Variants in SLC49A4 observed in about 807,000 individuals in gnomAD.
The protein encoded by SLC49A4 is solute carrier family 49 member 4.
SLC49A4 carries 36 observed loss-of-function variants against 50.6 expected under a neutral mutation model. The ratio of observed to expected loss-of-function variants is 0.71; its 90% CI spans 0.55 to 0.94. SLC49A4 has a LOEUF of 0.94. SLC49A4 is among the 40% of genes least tolerant of loss of function. The pLI is 0.00. For synonymous variants in SLC49A4, 248 were observed against 241.2 expected (o/e 1.03, Z -0.26); for missense variants, 503 against 605.7 (o/e 0.83, Z 1.78).
At chr3:122,831,974 A>C (rs891062071) in intron 3 of SLC49A4, among the ~76,000 whole-genome samples, 1 of 151,974 alleles carries the variant, frequency 6.6e-6, no homozygotes, top group Non-Finnish European at 1.5e-5. Flanking sequence ...ACCAAAAAAA[A>C]AAAGAAAGAA....
At position 122,880,870 on chromosome 3, in the gene SLC49A4, A is replaced by G. The variant is rs1239382053; in HGVS notation, c.*1492A>G. 2 of 152,242 alleles carry G rather than the reference A, an allele frequency of 1.3e-5. No homozygotes were observed. The highest frequency in any genetic ancestry group is 1.3e-4 in the Admixed American group (2 of 15,268). The allele number at this position is 152,242 out of a possible 1,614,324, so 9.4% of individuals were successfully genotyped here. Reference sequence around the variant, plus strand: ...CCCCTTAGCAAGTACAAGGCTGTGCATTAACTCACCTCGGTCCTAGAGGAG... The same window carrying G: ...CCCCTTAGCAAGTACAAGGCTGTGCGTTAACTCACCTCGGTCCTAGAGGAG... On this transcript the variant is annotated 3_prime_UTR_variant, in exon 9 of 9. Transcript: ENST00000261038.
intron 5 of SLC49A4, among the ~76,000 whole-genome samples, chr3:122,854,124 G>A (rs1560229444): frequency 6.6e-6 from 1 of 152,114 alleles, no homozygotes; most frequent in East Asian, 1.9e-4. Context: ...AGTGGGCGTT[G>A]GATTATAGAT....
intron 2 of SLC49A4, among the ~76,000 whole-genome samples, chr3:122,813,309 G>T (rs1353184645): frequency 6.7e-6 from 1 of 148,246 alleles, no homozygotes; most frequent in Non-Finnish European, 1.5e-5. Context: ...TAACCTTTTT[G>T]TTGTTTTTGA....
intron 5 of SLC49A4, among the ~76,000 whole-genome samples, chr3:122,850,374 T>C (rs1026171890): frequency 2.0e-5 from 3 of 152,198 alleles, no homozygotes; most frequent in Admixed American, 6.5e-5. Context: ...CTAAGAGTGA[T>C]GTGAAAATAG....
At chr3:122,877,223 T>C (rs1350704820) in intron 8 of SLC49A4, among the ~76,000 whole-genome samples, 1 of 152,164 alleles carries the variant, frequency 6.6e-6, no homozygotes, top group Non-Finnish European at 1.5e-5. Flanking sequence ...TGAATGGTTT[T>C]CAGCAGGAAA....
At chr3:122,851,397 C>T (rs1438620896) in intron 5 of SLC49A4, among the ~76,000 whole-genome samples, 1 of 151,750 alleles carries the variant, frequency 6.6e-6, no homozygotes, top group African/African-American at 2.4e-5. Context: ...TTCATTTTAT[C>T]TTCATTTTTA....
chr3:122,824,743 T>C (rs1209201548), intron 2 of SLC49A4, among the ~76,000 whole-genome samples: 3 of 145,734 alleles, frequency 2.1e-5, no homozygotes, highest in Non-Finnish European at 4.5e-5. Flanking sequence ...TTTTTTTTTT[T>C]TTTTTTTGAG....
At chr3:122,879,065 C>T (rs1937301450) in intron 8 of SLC49A4, among the ~76,000 whole-genome samples, 198 bp from the exon 9 acceptor site, 1 of 152,118 alleles carries the variant, frequency 6.6e-6, no homozygotes, top group South Asian at 2.1e-4. Flanking sequence ...AAATATTCCA[C>T]ATGGAAGCCC....
chr3:122,811,990 C>G (rs942048073), intron 2 of SLC49A4, among the ~76,000 whole-genome samples: 4 of 151,908 alleles, frequency 2.6e-5, no homozygotes, highest in African/African-American at 7.3e-5. Context: ...TGGAAACACT[C>G]TGTTGCCCAG....
intron 7 of SLC49A4, among the ~76,000 whole-genome samples, chr3:122,866,424 G>A (rs1937121629): frequency 6.6e-6 from 1 of 151,954 alleles, no homozygotes; most frequent in African/African-American, 2.4e-5. Context: ...ATGAACTTTA[G>A]GCATCATCTA....
chr3:122,852,280 C>T (rs891175659), intron 5 of SLC49A4, among the ~76,000 whole-genome samples: 1 of 152,174 alleles, frequency 6.6e-6, no homozygotes, highest in Non-Finnish European at 1.5e-5. Context: ...GCATGAGCCA[C>T]CACACCTGGC....
intron 5 of SLC49A4, among the ~76,000 whole-genome samples, chr3:122,855,783 TCA>T (rs1488819646): frequency 6.6e-6 from 1 of 152,174 alleles, no homozygotes; most frequent in Non-Finnish European, 1.5e-5. Context: ...CATAATTTGC[TCA>T]GAGTCACACA....
At chr3:122,858,266 A>T (rs1937012315) in intron 6 of SLC49A4, among the ~76,000 whole-genome samples, 1 of 152,214 alleles carries the variant, frequency 6.6e-6, no homozygotes, top group Non-Finnish European at 1.5e-5. Context: ...TTCTTGTATG[A>T]TCAGTTTCTG....
intron 7 of SLC49A4, among the ~76,000 whole-genome samples, chr3:122,864,628 A>G (rs1309155650): frequency 6.6e-6 from 1 of 152,236 alleles, no homozygotes; most frequent in Non-Finnish European, 1.5e-5. Flanking sequence ...AGGAAGGACA[A>G]CTAGCTAGAC....
chr3:122,873,432 A>G (rs1937220519), intron 8 of SLC49A4, among the ~76,000 whole-genome samples: 1 of 152,106 alleles, frequency 6.6e-6, no homozygotes, highest in East Asian at 1.9e-4. Context: ...CACCCACCTC[A>G]GCCTCCTAAA....
chr3:122,875,864 G>T (rs936216392), intron 8 of SLC49A4, among the ~76,000 whole-genome samples: 1 of 152,160 alleles, frequency 6.6e-6, no homozygotes, highest in African/African-American at 2.4e-5. Context: ...CTGGCAATTT[G>T]CTTGCAGATT....
chr3:122,834,001 A>G (rs1010360440), intron 4 of SLC49A4, among the ~76,000 whole-genome samples: 3 of 152,212 alleles, frequency 2.0e-5, no homozygotes, highest in Non-Finnish European at 4.4e-5. Context: ...GTATAGTTAG[A>G]TTAAACTCTA....
chr3:122,859,566 A>C (rs937533607), intron 6 of SLC49A4, among the ~76,000 whole-genome samples: 1 of 152,178 alleles, frequency 6.6e-6, no homozygotes, highest in Non-Finnish European at 1.5e-5. Context: ...CTCAGAATCA[A>C]CTGGGCATGG....
At chr3:122,812,466 G>C (rs1364246749) in intron 2 of SLC49A4, among the ~76,000 whole-genome samples, 1 of 152,178 alleles carries the variant, frequency 6.6e-6, no homozygotes, top group South Asian at 2.1e-4. Flanking sequence ...CCCTATATCA[G>C]TGTCTTCTAA....
Sources: allele counts gnomAD v4.1 joint callset (sites outside exome capture counted in the v4.1 genomes callset), GRCh38; gene constraint gnomAD v4.1.1; transcripts MANE v1.5; gene names NCBI Gene and HGNC (gene_info 2026-07-23, HGNC 2026-07-21).